Variants in ADAMTS2 observed in about 807,000 individuals in gnomAD.
ADAMTS2 encodes A disintegrin and metalloproteinase with thrombospondin motifs 2.
In ADAMTS2, 50 loss-of-function variants were observed where a neutral mutation model predicts 123.0. The ratio of observed to expected loss-of-function variants is 0.41; its 90% confidence interval spans 0.32 to 0.51. The LOEUF (loss-of-function observed/expected upper bound fraction) is 0.51, where lower values mean the gene tolerates loss of function less well. Ranked by LOEUF, ADAMTS2 falls within the 20% of genes least tolerant of loss-of-function variation. The pLI, the probability that ADAMTS2 is intolerant of heterozygous loss-of-function variation, is 0.35. For missense variants in ADAMTS2, 1,494 were observed against 1,705.2 expected (o/e 0.88, Z 2.18); for synonymous variants, 678 against 695.4 (o/e 0.98, Z 0.39).
At chr5:179,127,887 C>G (rs971503610) in intron 17 of ADAMTS2, 72 bp downstream of exon 17, 14 of 1,598,520 alleles carry the variant, frequency 8.8e-6, no homozygotes, top group African/African-American at 8.0e-5. Flanking sequence ...CTGGCCCCAC[C>G]CCAGGGATGC....
chr5:179,137,743 C>A (rs977350572), intron 12 of ADAMTS2, 26 bp downstream of exon 12: 3 of 1,544,340 alleles, frequency 1.9e-6, no homozygotes, highest in East Asian at 2.4e-5. Flanking sequence ...GCTGAGCCCC[C>A]ACTGATGCCT....
chr5:179,207,480 G>A (rs375799467), intron 4 of ADAMTS2, 33 bp downstream of exon 4: 29 of 459,760 alleles, frequency 6.3e-5, no homozygotes, highest in Non-Finnish European at 9.5e-5. Context: ...GACCCTCCCC[G>A]CCCCACCCTG....
chr5:179,238,143 G>A (rs1463747704), intron 3 of ADAMTS2, among the ~76,000 whole-genome samples: 6 of 152,200 alleles, frequency 3.9e-5, no homozygotes, highest in Admixed American at 2.6e-4. Flanking sequence ...CATCCACTCT[G>A]GGCTCACAGA....
In ADAMTS2 at chr5:179,158,565, A is replaced by ACCCCCCACCCCCCACC. The variant is rs758306590; in HGVS notation, c.1132+157_1132+158insGGTGGGGGGTGGGGGG. ...TCTTCTAATGATGTATTTGTCCATC[A>ACCCCCCACCCCCCACC]GTGCACTGCCCCACACCCTCACCCA... On this transcript the variant is annotated intron_variant, in intron 6 of 21. Coordinates refer to ENST00000251582, the MANE Select transcript of ADAMTS2 (RefSeq NM_014244.5). This position sits in a 1 kb window ranked among gnomAD's most constrained non-coding sequence, Gnocchi z 5.0. 2.0e-5 allele frequency among the ~76,000 whole-genome samples: 3 copies of ACCCCCCACCCCCCACC among 152,180 alleles called. No homozygotes were observed. Among genetic ancestry groups the ACCCCCCACCCCCCACC allele is most frequent in the Non-Finnish European group, 4.4e-5 (3 of 68,022 alleles).
At chr5:179,243,630 A>G (rs763340799) in intron 3 of ADAMTS2, among the ~76,000 whole-genome samples, 30 of 152,374 alleles carry the variant, frequency 2.0e-4, no homozygotes, top group Non-Finnish European at 2.9e-4. Flanking sequence ...CCAGTTTCAC[A>G]CAACAGAAAC....
intron 2 of ADAMTS2, among the ~76,000 whole-genome samples, chr5:179,296,597 G>A (rs150743026): frequency 5.3e-5 from 8 of 152,298 alleles, no homozygotes; most frequent in Non-Finnish European, 1.2e-4. Flanking sequence ...ATCCGACTCG[G>A]ATAAGGAAGG....
chr5:179,194,431 G>A (rs1764375187), intron 4 of ADAMTS2, among the ~76,000 whole-genome samples: 1 of 152,144 alleles, frequency 6.6e-6, no homozygotes, highest in African/African-American at 2.4e-5. Context: ...CAGGCGGGTG[G>A]GCCTCAGAAC....
At chr5:179,142,762 C>G (rs1763193085) in intron 10 of ADAMTS2, among the ~76,000 whole-genome samples, 2 of 152,180 alleles carry the variant, frequency 1.3e-5, no homozygotes, top group Non-Finnish European at 2.9e-5. Context: ...AGTGGCTGCA[C>G]ACTGCAGGGG....
intron 17 of ADAMTS2, among the ~76,000 whole-genome samples, chr5:179,127,301 C>T (rs770811283): frequency 2.6e-5 from 4 of 152,174 alleles, no homozygotes; most frequent in Non-Finnish European, 5.9e-5. Flanking sequence ...GGAAGAGGAC[C>T]CTTCCATCTG....
Position 179,180,560 on chromosome 5 carries a change from C to T in ADAMTS2, c.975+512G>A, listed in dbSNP as rs1471968932. Among the ~76,000 whole-genome samples the T allele has an allele frequency of 6.6e-6, 1 of 152,162 alleles. No individual in the cohort carries two copies. The highest frequency in any genetic ancestry group is 1.5e-5 in the Non-Finnish European group (1 of 68,032). ...TTCAGATACAAACCAACCAATCCAG[C>T]GCCCATGTCCCCAGCCACCTCCTTT... is the stretch of plus-strand genomic sequence containing the variant. On this transcript the variant is annotated intron_variant, in intron 5 of 21. Coordinates refer to ENST00000251582, the MANE Select transcript of ADAMTS2 (RefSeq NM_014244.5). This position sits in a 1 kb window ranked among gnomAD's most constrained non-coding sequence, Gnocchi z 4.6.
chr5:179,317,707 C>CCA lies in ADAMTS2; in HGVS notation c.534+26058_534+26059dup, dbSNP rs1335395214. ...CCCACATGTGCATCGCATACATCAC[C>CCA]CACACACACACGTGTACATTTCAGC... is the stretch of plus-strand genomic sequence containing the variant. On this transcript the variant is annotated intron_variant, in intron 2 of 21. Transcript: ENST00000251582. This position sits in a 1 kb window ranked among gnomAD's most constrained non-coding sequence, Gnocchi z 4.9. Among the ~76,000 whole-genome samples the CCA allele has an allele frequency of 6.6e-6, 1 of 152,138 alleles. No individual in the cohort carries two copies. The highest frequency in any genetic ancestry group is 1.5e-5 in the Non-Finnish European group (1 of 68,018).
At position 179,234,933 on chromosome 5, in the gene ADAMTS2, C is replaced by A. The variant is rs945131469; in HGVS notation, c.689-27218G>T. On this transcript the variant is annotated intron_variant, in intron 3 of 21. Coordinates refer to ENST00000251582, the MANE Select transcript of ADAMTS2 (RefSeq NM_014244.5). The surrounding 1 kb of genome is among the most constrained non-coding windows in gnomAD (Gnocchi z 4.7). ...GTGCGAGCACACTGGCTAGGGCCTCCTGATGGGCCTGACCTGCCTGCCAAC... is the reference window on the plus strand; with the variant it reads ...GTGCGAGCACACTGGCTAGGGCCTCATGATGGGCCTGACCTGCCTGCCAAC... 6.6e-6 allele frequency among the ~76,000 whole-genome samples: 1 copy of A among 152,232 alleles called. No individual in the cohort carries two copies. The highest frequency in any genetic ancestry group is 2.4e-5 in the African/African-American group (1 of 41,458).
intron 5 of ADAMTS2, among the ~76,000 whole-genome samples, chr5:179,167,597 G>A (rs1032902206): frequency 6.6e-6 from 1 of 152,156 alleles, no homozygotes; most frequent in African/African-American, 2.4e-5. Flanking sequence ...GCCCCGCCAG[G>A]AGGCTCTGCC....
At chr5:179,273,906 CA>C (rs1766617450) in intron 2 of ADAMTS2, among the ~76,000 whole-genome samples, 1 of 152,114 alleles carries the variant, frequency 6.6e-6, no homozygotes, top group Admixed American at 6.5e-5. Flanking sequence ...CCGCGGCTTG[CA>C]CCACCCCATG....
At chr5:179,140,068 C>G (rs374837046) in intron 10 of ADAMTS2, 33 bp from the exon 11 acceptor site, 21 of 1,613,230 alleles carry the variant, frequency 1.3e-5, no homozygotes, top group Non-Finnish European at 5.1e-6. Flanking sequence ...CTCCACTCAC[C>G]CTCACACCGG....
rs1458582821 is a variant in ADAMTS2 at position 179,127,952 on chromosome 5, C to T, written c.2617+7G>A. 6.2e-7 allele frequency: 1 copy of T among 1,613,606 alleles called. No homozygotes were observed. Among genetic ancestry groups the T allele is most frequent in the Middle Eastern group, 1.7e-4 (1 of 6,034 alleles). ...CACCCAGGTCCCCAGCTTCGAGACC[C>T]CCTCACCTCCGCCACAGGGCTTGGA... On this transcript the variant is annotated splice_region_variant and intron_variant, in intron 17 of 21. Transcript: ENST00000251582.
chr5:179,207,506 C>CCCCCCCCACAAAA lies in ADAMTS2; in HGVS notation c.891+6_891+7insTTTTGTGGGGGGG. The CCCCCCCCACAAAA allele has an allele frequency of 1.2e-6, 2 of 1,607,722 alleles. No homozygotes were observed. Among genetic ancestry groups the CCCCCCCCACAAAA allele is most frequent in the East Asian group, 4.5e-5 (2 of 44,796 alleles). ...CCCCACCCTGCCCCCTCAGCCACCC[C>CCCCCCCCACAAAA]ACTCACAATGTTCATGAGTGTCAGC... On this transcript the variant is annotated splice_region_variant and intron_variant, in intron 4 of 21. Coordinates refer to ENST00000251582, the MANE Select transcript of ADAMTS2 (RefSeq NM_014244.5).
chr5:179,228,040 C>A lies in ADAMTS2; in HGVS notation c.689-20325G>T, dbSNP rs2113422322. On this transcript the variant is annotated intron_variant, in intron 3 of 21. Transcript: ENST00000251582. This position sits in a 1 kb window ranked among gnomAD's most constrained non-coding sequence, Gnocchi z 5.2. ...CCCTGCAAGGGACCCTCGGGAGGAG[C>A]CGCGTGGGAGGAGGAGAAGGCCGTG... Among the ~76,000 whole-genome samples the A allele has an allele frequency of 6.6e-6, 1 of 152,174 alleles. No homozygotes were observed. The highest frequency in any genetic ancestry group is 1.9e-4 in the East Asian group (1 of 5,148).
chr5:179,183,619 G>A (rs1422130986), intron 4 of ADAMTS2, among the ~76,000 whole-genome samples: 1 of 152,234 alleles, frequency 6.6e-6, no homozygotes, highest in African/African-American at 2.4e-5. Context: ...AGGGTCCCCT[G>A]CACCCCAGAG....
Sources: gnomAD v4.1 joint callset for allele counts (sites outside exome capture counted in the v4.1 genomes callset) on GRCh38, gnomAD v4.1.1 for gene constraint, Gnocchi (gnomAD v3.1) non-coding constraint, MANE v1.5 for transcripts, NCBI Gene and HGNC (gene_info 2026-07-23, HGNC 2026-07-21) for gene names.